EPHA6: variants seen among roughly 807,000 people sequenced by gnomAD.
EPHA6 encodes ephrin type-A receptor 6.
A neutral mutation model predicts 112.0 loss-of-function variants in EPHA6; 50 were observed. The observed-to-expected ratio is 0.45, with a 90% CI of 0.36 to 0.56. EPHA6 has a LOEUF of 0.56. Among genes scored for constraint, EPHA6 ranks in the 20% least tolerant of loss-of-function variants. EPHA6 has a pLI of 0.00. For missense variants in EPHA6, 1,280 were observed against 1,417.4 expected, an observed-to-expected ratio of 0.90 and a Z score of 1.56; for synonymous variants, 529 against 490.7, an observed-to-expected ratio of 1.08 and a Z score of -1.03.
At chr3:97,571,929 C>T (rs1397949770) in intron 11 of EPHA6, among the ~76,000 whole-genome samples, 1 of 152,196 alleles carries the variant, frequency 6.6e-6, no homozygotes, top group Non-Finnish European at 1.5e-5. Context: ...AGCACACCAT[C>T]AGCTTTTCCA....
chr3:97,633,704 A>C (rs1195777325), intron 13 of EPHA6, among the ~76,000 whole-genome samples: 1 of 152,110 alleles, frequency 6.6e-6, no homozygotes, highest in African/African-American at 2.4e-5. Flanking sequence ...TAGGATCAAA[A>C]GTTATTTAAT....
intron 14 of EPHA6, among the ~76,000 whole-genome samples, chr3:97,682,381 T>C (rs1325936785): frequency 6.6e-6 from 1 of 152,132 alleles, no homozygotes; most frequent in Non-Finnish European, 1.5e-5. Context: ...ATGAAGTAAA[T>C]AATTCCTAGA....
At chr3:97,434,227 C>A (rs566076941) in intron 6 of EPHA6, among the ~76,000 whole-genome samples, 1 of 152,250 alleles carries the variant, frequency 6.6e-6, no homozygotes, top group Non-Finnish European at 1.5e-5. Flanking sequence ...TAGAGCTAGA[C>A]TTCCTAGGTT....
chr3:97,634,351 C>T (rs537759724), intron 13 of EPHA6, among the ~76,000 whole-genome samples: 1 of 151,538 alleles, frequency 6.6e-6, no homozygotes, highest in African/African-American at 2.4e-5. Context: ...TTCCCAAAAG[C>T]ATATAGAACT....
rs113899345 is a variant in EPHA6 at position 97,474,659 on chromosome 3, T to G, written c.1895-693T>G. 3.2e-3 allele frequency among the ~76,000 whole-genome samples: 493 copies of G among 152,146 alleles called. 2 individuals carry two copies. Among genetic ancestry groups the G allele is most frequent in the African/African-American group, 0.01 (431 of 41,556 alleles). The stretch of plus-strand genomic sequence containing the variant: ...AATTTAAATGATATATGTTAAAAGA[T>G]TCCCAGAAGATTAGTAAAACATGCA... On this transcript the variant is annotated intron_variant, in intron 7 of 17. Coordinates refer to ENST00000389672, the MANE Select transcript of EPHA6 (RefSeq NM_001080448.3).
chr3:96,954,119 C>G (rs902719853), intron 2 of EPHA6, among the ~76,000 whole-genome samples: 1 of 152,106 alleles, frequency 6.6e-6, no homozygotes, highest in Non-Finnish European at 1.5e-5. Flanking sequence ...AGTAATCCAC[C>G]TGCCTCTACG....
At chr3:97,610,280 A>G (rs1281485204) in intron 12 of EPHA6, among the ~76,000 whole-genome samples, 2 of 151,482 alleles carry the variant, frequency 1.3e-5, no homozygotes, top group Non-Finnish European at 3.0e-5. Context: ...TTAAAATCAG[A>G]CTATGACCGA....
intron 3 of EPHA6, among the ~76,000 whole-genome samples, chr3:97,083,081 C>A (rs967249485): frequency 6.6e-6 from 1 of 151,866 alleles, no homozygotes; most frequent in Non-Finnish European, 1.5e-5. Context: ...AATTATGTAA[C>A]CCCAGCTAAT....
At chr3:97,547,651 C>T (rs2092972330) in intron 11 of EPHA6, among the ~76,000 whole-genome samples, 1 of 151,714 alleles carries the variant, frequency 6.6e-6, no homozygotes, top group South Asian at 2.1e-4. Context: ...CTGTGCCCTG[C>T]CCCCAGAGGT....
At chr3:97,464,674 A>T (rs2091000100) in intron 7 of EPHA6, among the ~76,000 whole-genome samples, 1 of 151,946 alleles carries the variant, frequency 6.6e-6, no homozygotes. Context: ...TGGCCTGGAA[A>T]TTTTTCAAAG....
At chr3:97,621,817 A>G (rs965207813) in intron 13 of EPHA6, among the ~76,000 whole-genome samples, 1 of 151,904 alleles carries the variant, frequency 6.6e-6, no homozygotes, top group African/African-American at 2.4e-5. Flanking sequence ...GGATTTAGCA[A>G]ATAAGAGGGA....
chr3:96,940,516 GA>G (rs1304415599), intron 2 of EPHA6, among the ~76,000 whole-genome samples: 10 of 152,132 alleles, frequency 6.6e-5, no homozygotes, highest in African/African-American at 2.4e-4. Flanking sequence ...TGGGTTTCCT[GA>G]ATACAGCACA....
chr3:96,819,131 A>G (rs2107207768), intron 1 of EPHA6, among the ~76,000 whole-genome samples: 1 of 152,122 alleles, frequency 6.6e-6, no homozygotes, highest in African/African-American at 2.4e-5. Flanking sequence ...CTCTTCTTCA[A>G]ACAAAAAATA....
At chr3:97,301,754 G>A (rs1249678108) in intron 5 of EPHA6, among the ~76,000 whole-genome samples, 2 of 151,952 alleles carry the variant, frequency 1.3e-5, no homozygotes, top group Non-Finnish European at 2.9e-5. Context: ...TCTTTATTTA[G>A]ACTATTAACT....
intron 2 of EPHA6, among the ~76,000 whole-genome samples, chr3:96,868,257 G>T (rs1413648523): frequency 1.3e-5 from 2 of 151,070 alleles, no homozygotes; most frequent in African/African-American, 2.4e-5. Context: ...GTATAAATAA[G>T]ATTTTAAAAA....
At chr3:96,820,494 T>G (rs9869712) in intron 1 of EPHA6, among the ~76,000 whole-genome samples, 1 of 151,926 alleles carries the variant, frequency 6.6e-6, no homozygotes, top group Admixed American at 6.6e-5. Flanking sequence ...TAAATAGAAT[T>G]TATGGGAACA....
intron 2 of EPHA6, among the ~76,000 whole-genome samples, chr3:96,904,334 A>G (rs2038799258): frequency 6.6e-6 from 1 of 151,560 alleles, no homozygotes; most frequent in South Asian, 2.1e-4. Context: ...GGAAACCATC[A>G]TTCTCAGCAA....
intron 3 of EPHA6, among the ~76,000 whole-genome samples, chr3:97,019,474 C>T (rs2187655): frequency 0.17 from 25,097 of 152,034 alleles, 2,419 homozygotes; most frequent in Non-Finnish European, 0.22. Flanking sequence ...TTTCAGTTCA[C>T]GGCTGGAGCT....
intron 11 of EPHA6, among the ~76,000 whole-genome samples, chr3:97,563,101 G>T (rs1199292758): frequency 1.3e-5 from 2 of 151,994 alleles, no homozygotes; most frequent in African/African-American, 2.4e-5. Context: ...TTATTGCAGT[G>T]GTCTGAAACC....
Sources: gnomAD v4.1 joint callset for allele counts (sites outside exome capture counted in the v4.1 genomes callset) on GRCh38, gnomAD v4.1.1 for gene constraint, MANE v1.5 for transcripts, NCBI Gene and HGNC (gene_info 2026-07-23, HGNC 2026-07-21) for gene names.